Variants in SLC1A1 observed in about 807,000 individuals in gnomAD.
The protein encoded by SLC1A1 is excitatory amino acid transporter 3.
In SLC1A1, 43 loss-of-function variants were observed where a neutral mutation model predicts 53.3. The ratio of observed to expected loss-of-function variants is 0.81; its 90% confidence interval spans 0.63 to 1.04. SLC1A1 has a LOEUF of 1.04. SLC1A1 is among the 50% of genes least tolerant of loss of function. The probability of loss-of-function intolerance (pLI) is 0.00; values close to 1 mark genes in which losing one functional copy is unlikely to be tolerated. For missense variants in SLC1A1, 748 were observed against 664.9 expected (o/e 1.12, Z -1.37); for synonymous variants, 307 against 243.2 (o/e 1.26, Z -2.44).
chr9:4,585,101 T>G (rs1821469544), intron 11 of SLC1A1, among the ~76,000 whole-genome samples: 1 of 152,184 alleles, frequency 6.6e-6, no homozygotes, highest in African/African-American at 2.4e-5. Flanking sequence ...TAGGGAGACT[T>G]AGGGGAGTCA....
chr9:4,502,257 C>T (rs1240176277), intron 1 of SLC1A1, among the ~76,000 whole-genome samples: 3 of 150,932 alleles, frequency 2.0e-5, no homozygotes, highest in Non-Finnish European at 4.4e-5. Flanking sequence ...TGTGGTGGGT[C>T]ACGCCTGTAG....
At chr9:4,513,478 G>A (rs1025471754) in intron 1 of SLC1A1, among the ~76,000 whole-genome samples, 1 of 152,124 alleles carries the variant, frequency 6.6e-6, no homozygotes, top group East Asian at 1.9e-4. Context: ...GGCCGTTAGG[G>A]AAAAGTGAAT....
At chr9:4,501,549 G>T (rs765631486) in intron 1 of SLC1A1, among the ~76,000 whole-genome samples, 1 of 151,600 alleles carries the variant, frequency 6.6e-6, no homozygotes, top group Non-Finnish European at 1.5e-5. Flanking sequence ...CAGATCACCT[G>T]AGGTCAGGAG....
intron 6 of SLC1A1, among the ~76,000 whole-genome samples, chr9:4,571,507 C>T (rs1820045497): frequency 6.6e-6 from 1 of 152,126 alleles, no homozygotes; most frequent in African/African-American, 2.4e-5. Context: ...GAAACCCTGT[C>T]TCTACTAAAA....
At chr9:4,545,219 C>CTCTCTCTCTCTCTCTCTCTCTCTCTCTCT (rs751195644) in intron 2 of SLC1A1, among the ~76,000 whole-genome samples, 1 of 149,844 alleles carries the variant, frequency 6.7e-6, no homozygotes, top group African/African-American at 2.5e-5. Context: ...CTCTCTCTCT[C>CTCTCTCTCTCTCTCTCTCTCTCTCTCTCT]CACCTCTCTC....
intron 4 of SLC1A1, 90 bp downstream of exon 4, chr9:4,564,548 T>G (rs1819302731): frequency 9.9e-6 from 8 of 810,282 alleles, no homozygotes; most frequent in Middle Eastern, 2.2e-4. Flanking sequence ...GTTACTGTAT[T>G]GAAATTTTTA....
At chr9:4,524,648 C>T (rs745428867) in intron 1 of SLC1A1, among the ~76,000 whole-genome samples, 11 of 152,082 alleles carry the variant, frequency 7.2e-5, no homozygotes, top group Non-Finnish European at 1.3e-4. Flanking sequence ...TGAAGACTTT[C>T]GAGCTGCATC....
intron 1 of SLC1A1, among the ~76,000 whole-genome samples, chr9:4,535,990 T>A (rs1234044496): frequency 6.6e-6 from 1 of 152,168 alleles, no homozygotes; most frequent in African/African-American, 2.4e-5. Context: ...TGGCTAGCCA[T>A]ATGTAGAAAG....
chr9:4,518,221 C>T lies in SLC1A1; in HGVS notation c.92-26346C>T, dbSNP rs1309319874. On this transcript the variant is annotated intron_variant, in intron 1 of 11. Transcript: ENST00000262352. ...TTGCACTCCAGCCTAGGTGAAAGAG[C>T]GATATTCCACCTCAAAAAAAAAAAA... 3.1e-4 allele frequency among the ~76,000 whole-genome samples: 31 copies of T among 99,198 alleles called. 1 individual carries two copies. Among genetic ancestry groups the T allele is most frequent in the Non-Finnish European group, 4.5e-4 (25 of 55,444 alleles). 65.1% of individuals were successfully genotyped at this position (99,198 alleles called of 152,430 possible).
At chr9:4,573,332 T>C (rs1418349635) in intron 7 of SLC1A1, among the ~76,000 whole-genome samples, 1 of 152,196 alleles carries the variant, frequency 6.6e-6, no homozygotes, top group Non-Finnish European at 1.5e-5. Context: ...TGCAGAAACC[T>C]CAGCTTCATC....
intron 1 of SLC1A1, among the ~76,000 whole-genome samples, chr9:4,534,641 G>A (rs1440284564): frequency 1.3e-5 from 2 of 151,924 alleles, no homozygotes; most frequent in Non-Finnish European, 2.9e-5. Context: ...GTACAAGGAG[G>A]TGCTGGTACC....
chr9:4,575,860 A>T, intron 8 of SLC1A1, 141 bp from the exon 9 acceptor site: 1 of 880,622 alleles, frequency 1.1e-6, no homozygotes, highest in Admixed American at 2.0e-5. Flanking sequence ...TGGGACGTAT[A>T]TTCCTGCCCT....
intron 1 of SLC1A1, 34 bp downstream of exon 1, chr9:4,490,804 C>A: frequency 6.4e-7 from 1 of 1,561,782 alleles, no homozygotes; most frequent in Non-Finnish European, 8.8e-7. Flanking sequence ...ATGCGCGCAC[C>A]CTCACGCGCT....
chr9:4,532,341 G>C (rs551912664), intron 1 of SLC1A1, among the ~76,000 whole-genome samples: 15 of 152,190 alleles, frequency 9.9e-5, no homozygotes, highest in African/African-American at 2.9e-4. Context: ...TGGCTAACTA[G>C]AATAACCAAT....
rs971019202 is a variant in SLC1A1, at chr9:4,490,519, G to C, written c.-161G>C. ...CGGGCGCGGTGCGCGATCCCGGGTGGCGGCGGCAACGGCGGTGGTGACGGC... is the reference window on the plus strand; with the variant it reads ...CGGGCGCGGTGCGCGATCCCGGGTGCCGGCGGCAACGGCGGTGGTGACGGC... On this transcript the variant is annotated 5_prime_UTR_variant, in exon 1 of 12. Transcript: ENST00000262352. 1.4e-5 allele frequency: 6 copies of C among 427,920 alleles called. No homozygotes were observed. The highest frequency in any genetic ancestry group is 2.5e-5 in the Non-Finnish European group (6 of 243,802). 26.5% of individuals were successfully genotyped at this position (427,920 alleles called of 1,614,324 possible).
At chr9:4,498,124 A>T (rs1408026823) in intron 1 of SLC1A1, among the ~76,000 whole-genome samples, 1 of 152,210 alleles carries the variant, frequency 6.6e-6, no homozygotes. Context: ...TTATGACTGT[A>T]TATTCATTCC....
chr9:4,558,967 A>G (rs1357232070), intron 2 of SLC1A1, among the ~76,000 whole-genome samples: 1 of 152,244 alleles, frequency 6.6e-6, no homozygotes, highest in Non-Finnish European at 1.5e-5. Flanking sequence ...AAAACAATAT[A>G]CCAAGCTCTA....
intron 1 of SLC1A1, among the ~76,000 whole-genome samples, chr9:4,519,793 T>C (rs1363772716): frequency 6.6e-6 from 1 of 152,184 alleles, no homozygotes; most frequent in Non-Finnish European, 1.5e-5. Context: ...AGGTGACTCA[T>C]GGAAATTTCT....
intron 3 of SLC1A1, 38 bp downstream of exon 3, chr9:4,561,579 T>C: frequency 8.0e-7 from 1 of 1,248,568 alleles, no homozygotes; most frequent in South Asian, 1.2e-5. Context: ...CTTTATGTAA[T>C]GGTGATTTTT....
Sources: gnomAD v4.1 joint callset for allele counts (sites outside exome capture counted in the v4.1 genomes callset) on GRCh38, gnomAD v4.1.1 for gene constraint, MANE v1.5 for transcripts, NCBI Gene and HGNC (gene_info 2026-07-23, HGNC 2026-07-21) for gene names.